Variants in TMEM179B observed in about 807,000 individuals in gnomAD.
The protein encoded by TMEM179B is transmembrane protein 179B.
Under a neutral mutation model 18.0 loss-of-function variants are expected in TMEM179B, and 13 were observed. The ratio of observed to expected loss-of-function variants is 0.72; its 90% CI spans 0.47 to 1.15. The LOEUF (loss-of-function observed/expected upper bound fraction) is 1.15. TMEM179B is among the 50% of genes most tolerant of loss of function. The pLI, the probability that TMEM179B is intolerant of heterozygous loss-of-function variation, is 0.00. For missense variants in TMEM179B, 320 were observed against 270.6 expected (o/e 1.18, Z -1.28); for synonymous variants, 159 against 117.5 (o/e 1.35, Z -2.29).
chr11:62,789,346 G>A lies in TMEM179B; in HGVS notation c.339G>A (p.Leu113=). The change falls in exon 3 of 5, where the codon CTG becomes CTA. Residue 113 remains leucine, a synonymous_variant. Coordinates refer to ENST00000333449, the MANE Select transcript of TMEM179B (RefSeq NM_199337.3). ...ALAISAIAVF[L]VLVSACILRF... ...CCATCTCAGCTATAGCCGTCTTCCTGGTCTTGGTGTCTGCCTGTATCCTTC... is the reference window on the plus strand; with the variant it reads ...CCATCTCAGCTATAGCCGTCTTCCTAGTCTTGGTGTCTGCCTGTATCCTTC... 5 of 1,613,944 alleles carry A rather than the reference G, an allele frequency of 3.1e-6. No individual in the cohort carries two copies. The highest frequency in any genetic ancestry group is 4.2e-6 in the Non-Finnish European group (5 of 1,180,014).
chr11:62,789,361 C>T lies in TMEM179B; in HGVS notation c.354C>T (p.Ala118=), dbSNP rs770165319. 8 of 1,613,898 alleles carry T rather than the reference C, an allele frequency of 5.0e-6. No homozygotes were observed. In the Admixed American group the frequency reaches 8.3e-5, roughly 17 times the overall value. The change falls in exon 3 of 5, where the codon GCC becomes GCT. Residue 118 remains alanine, a synonymous_variant. Coordinates refer to ENST00000333449, the MANE Select transcript of TMEM179B (RefSeq NM_199337.3). The part of the protein sequence containing the change: ...AIAVFLVLVS[A]CILRFGTRSL... ...CCGTCTTCCTGGTCTTGGTGTCTGC[C>T]TGTATCCTTCGATTTGGCACCAGGT...
chr11:62,789,634 C>T lies in TMEM179B; in HGVS notation c.453C>T (p.Pro151=). 1 of 1,550,558 alleles carries T rather than the reference C, an allele frequency of 6.4e-7. No individual in the cohort carries two copies. The highest frequency in any genetic ancestry group is 8.7e-7 in the Non-Finnish European group (1 of 1,152,514). The change falls in exon 4 of 5, where the codon CCC becomes CCT. Residue 151 remains proline, a synonymous_variant. Coordinates refer to ENST00000333449, the MANE Select transcript of TMEM179B (RefSeq NM_199337.3). ...CSEAQKIPWT[P]PGTALQFYSN... Reference sequence around the variant, plus strand: ...AAGCCCAGAAAATTCCATGGACACCCCCTGGAACTGCTCTGCAGTTTTACT... The same window carrying T: ...AAGCCCAGAAAATTCCATGGACACCTCCTGGAACTGCTCTGCAGTTTTACT...
chr11:62,788,655 G>A (rs2084319740), intron 1 of TMEM179B, among the ~76,000 whole-genome samples: 2 of 142,542 alleles, frequency 1.4e-5, no homozygotes, highest in African/African-American at 5.1e-5. Context: ...AGTGAGCCGA[G>A]ATGGCGCCAC....
At chr11:62,787,578 C>T in intron 1 of TMEM179B, 51 bp downstream of exon 1, 1 of 1,469,018 alleles carries the variant, frequency 6.8e-7, no homozygotes, top group Non-Finnish European at 9.0e-7. Flanking sequence ...CCGGTCTGGA[C>T]ATGGCGAGGC....
intron 1 of TMEM179B, among the ~76,000 whole-genome samples, chr11:62,788,377 T>C (rs560159709): frequency 1.7e-4 from 24 of 144,732 alleles, no homozygotes; most frequent in Non-Finnish European, 3.4e-4. Flanking sequence ...CACTCCAGCC[T>C]GGGTGACGAG....
At chr11:62,788,974 T>C in intron 1 of TMEM179B, 49 bp from the exon 2 acceptor site, 1 of 1,568,118 alleles carries the variant, frequency 6.4e-7, no homozygotes, top group East Asian at 2.3e-5. Context: ...AGAGACTGTA[T>C]CTAGAGACAT....
intron 1 of TMEM179B, 30 bp downstream of exon 1, chr11:62,787,557 G>C (rs1199768965): frequency 6.6e-7 from 1 of 1,516,544 alleles, no homozygotes; most frequent in African/African-American, 1.4e-5. Flanking sequence ...TCAGGTAGGC[G>C]GGGGAGCTGG....
chr11:62,787,467 G>T lies in TMEM179B; in HGVS notation c.36G>T (p.Ala12=). Residue 12 remains alanine (A), a synonymous_variant, in exon 1 of 5, where the codon GCG becomes GCT. Transcript: ENST00000333449. ...CCTGGCTGCAGCGCGTCGAGCTTGC[G>T]CTCTTTGCTGCCGCCTTCCTGTGCG... The part of the protein sequence containing the change: ...ALSWLQRVEL[A]LFAAAFLCGA... The T allele has an allele frequency of 6.3e-7, 1 of 1,576,034 alleles. No homozygotes were observed. The highest frequency in any genetic ancestry group is 8.6e-7 in the Non-Finnish European group (1 of 1,168,404).
In TMEM179B at chr11:62,787,520, G is replaced by T. The variant is rs1478755452; in HGVS notation, c.89G>T (p.Arg30Leu). 1.3e-6 allele frequency: 2 copies of T among 1,571,326 alleles called. No individual in the cohort carries two copies. Among genetic ancestry groups the T allele is most frequent in the African/African-American group, 2.7e-5 (2 of 73,766 alleles). Residue 30 changes from arginine (R) to leucine (L), a missense_variant, in exon 1 of 5, where the codon CGG becomes CTG. Physicochemically the swap from Arg to Leu is moderately radical, Grantham distance 102 (BLOSUM62 -2). Transcript: ENST00000333449. ...GCCGTGGCGGCCGCGGCGATGACTC[G>T]GACCCAGGTGCGGCTGCGGGGCGGG... is the stretch of plus-strand genomic sequence containing the variant. ...CGAVAAAAMT[R>L]TQGSFSGRCP...
At chr11:62,788,668 C>A (rs1358226061) in intron 1 of TMEM179B, among the ~76,000 whole-genome samples, 1 of 125,472 alleles carries the variant, frequency 8.0e-6, no homozygotes, top group African/African-American at 2.9e-5. Flanking sequence ...GGCGCCACTG[C>A]ACTCCAGCAA....
chr11:62,789,483 G>C (rs764298984), intron 3 of TMEM179B, 57 bp downstream of exon 3: 7 of 1,609,838 alleles, frequency 4.3e-6, no homozygotes, highest in Non-Finnish European at 5.9e-6. Context: ...TCTGCAGCGG[G>C]GTCCTATAAT....
chr11:62,787,682 G>C, intron 1 of TMEM179B, 155 bp downstream of exon 1: 1 of 995,152 alleles, frequency 1.0e-6, no homozygotes, highest in Non-Finnish European at 1.4e-6. Context: ...ATGCAGCGAG[G>C]CTAATCGCGC....
intron 1 of TMEM179B, among the ~76,000 whole-genome samples, chr11:62,788,431 C>T (rs1306592365): frequency 7.2e-6 from 1 of 138,598 alleles, no homozygotes; most frequent in Non-Finnish European, 1.6e-5. Context: ...CTGGCCGGGC[C>T]TGGTGGCTCA....
intron 4 of TMEM179B, 96 bp downstream of exon 4, chr11:62,789,775 A>G: frequency 6.6e-7 from 1 of 1,520,748 alleles, no homozygotes; most frequent in Non-Finnish European, 8.9e-7. Context: ...CAGTGAGAGG[A>G]GCTGAAGGGG....
Position 62,789,289 on chromosome 11 carries a change from C to G in TMEM179B, c.285-3C>G, listed in dbSNP as rs767026251. On this transcript the variant is annotated splice_region_variant and splice_polypyrimidine_tract_variant and intron_variant, in intron 2 of 4. Transcript: ENST00000333449. The stretch of plus-strand genomic sequence containing the variant: ...ACCACAAGGCTTGTTCTCTCCCTTT[C>G]AGAGGTGCTATAGGGCTGCGCATTG... 4.3e-6 allele frequency: 7 copies of G among 1,614,118 alleles called. No individual in the cohort carries two copies. The Admixed American group carries it at 1.2e-4, about 27-fold the overall frequency.
At position 62,789,976 on chromosome 11, in the gene TMEM179B, C is replaced by T; in HGVS notation, c.589C>T (p.Leu197=). The T allele has an allele frequency of 6.2e-7, 1 of 1,614,170 alleles. No individual in the cohort carries two copies. Among genetic ancestry groups the T allele is most frequent in the Non-Finnish European group, 8.5e-7 (1 of 1,180,030 alleles). The stretch of plus-strand genomic sequence containing the variant: ...GTCTGAAGCCACCCCATACCGGCCT[C>T]TGGAGAGGGGTGACCCTGAGTGGAG... ...WKSEATPYRP[L]ERGDPEWSSE... is the part of the protein sequence containing the mutation. The change falls in exon 5 of 5, where the codon CTG becomes TTG. Residue 197 remains leucine, a synonymous_variant. Transcript: ENST00000333449.
chr11:62,790,382 T>A lies in TMEM179B; in HGVS notation c.*335T>A, dbSNP rs1232885686. On this transcript the variant is annotated 3_prime_UTR_variant, in exon 5 of 5. Transcript: ENST00000333449. ...TGCTCCTTTATTTGTTGTTAATGAATCTTGACCTCCTTGTGTGACCCTGGT... is the reference window on the plus strand; with the variant it reads ...TGCTCCTTTATTTGTTGTTAATGAAACTTGACCTCCTTGTGTGACCCTGGT... 5 of 561,366 alleles carry A rather than the reference T, an allele frequency of 8.9e-6. No individual in the cohort carries two copies. In the East Asian group the frequency reaches 1.5e-4, roughly 17 times the overall value. The allele number at this position is 561,366 out of a possible 1,614,324, so 34.8% of individuals were successfully genotyped here.
intron 1 of TMEM179B, 32 bp downstream of exon 1, chr11:62,787,559 G>A (rs927119834): frequency 1.3e-6 from 2 of 1,516,110 alleles, no homozygotes; most frequent in Non-Finnish European, 1.8e-6. Flanking sequence ...AGGTAGGCGG[G>A]GGAGCTGGCC....
Position 62,789,211 on chromosome 11 carries a change from G to A in TMEM179B, c.284+1G>A. On this transcript the variant is annotated splice_donor_variant, in intron 2 of 4. Transcript: ENST00000333449. LOFTEE classifies it high-confidence loss of function. ...GCAGCTGCATCGAGGACTCCCACAG[G>A]TGACTGCCTAACCCTGAGGGCCAGG... 1 of 1,614,104 alleles carries A rather than the reference G, an allele frequency of 6.2e-7. No homozygotes were observed. Among genetic ancestry groups the A allele is most frequent in the Non-Finnish European group, 8.5e-7 (1 of 1,179,958 alleles).
Sources: gnomAD v4.1 joint callset for allele counts (sites outside exome capture counted in the v4.1 genomes callset) on GRCh38, gnomAD v4.1.1 for gene constraint, MANE v1.5 for transcripts, NCBI Gene and HGNC (gene_info 2026-07-23, HGNC 2026-07-21) for gene names.